GNB4: variants seen among roughly 807,000 people sequenced by gnomAD.
GNB4 encodes the protein guanine nucleotide-binding protein subunit beta-4.
A neutral mutation model predicts 45.2 loss-of-function variants in GNB4; 28 were observed. The observed-to-expected ratio is 0.62, with a 90% confidence interval of 0.46 to 0.85. The LOEUF (loss-of-function observed/expected upper bound fraction) is 0.85. Ranked by LOEUF, GNB4 falls within the 40% of genes least tolerant of loss-of-function variation. The pLI is 0.00. For missense variants in GNB4, 321 were observed against 425.4 expected, an observed-to-expected ratio of 0.75 and a Z score of 2.16; for synonymous variants, 132 against 143.7, an observed-to-expected ratio of 0.92 and a Z score of 0.58.
At position 179,396,154 on chromosome 3, in the gene GNB4, T is replaced by C. The variant is rs191158139; in HGVS notation, c.*5059A>G. The C allele has an allele frequency of 2.5e-4, 38 of 152,040 alleles. 1 individual carries two copies. Among genetic ancestry groups the C allele is most frequent in the Admixed American group, 1.8e-3 (28 of 15,268 alleles). The allele number at this position is 152,040 out of a possible 1,614,324, so 9.4% of individuals were successfully genotyped here. On this transcript the variant is annotated 3_prime_UTR_variant, in exon 10 of 10. Transcript: ENST00000232564. ...ACATTTCATAAAGCCACTGTACAAA[T>C]AGAGGAATGAATCACTGTGTAAGAA...
Position 179,413,396 on chromosome 3 carries a change from A to T in GNB4, c.699+16T>A, listed in dbSNP as rs372819629. 6.5e-5 allele frequency: 104 copies of T among 1,600,462 alleles called. No individual in the cohort carries two copies. Among genetic ancestry groups the T allele is most frequent in the Non-Finnish European group, 8.7e-5 (102 of 1,167,712 alleles). The stretch of plus-strand genomic sequence containing the variant: ...AAATGCATAATAAATTTTCTCTAGA[A>T]ATGCTATTCACTTACACTGACAGCA... On this transcript the variant is annotated intron_variant, in intron 8 of 9. Coordinates refer to ENST00000232564, the MANE Select transcript of GNB4 (RefSeq NM_021629.4).
the GNB4 span, among the ~76,000 whole-genome samples, chr3:179,501,255 A>G: frequency 6.6e-6 from 1 of 150,902 alleles, no homozygotes; most frequent in Non-Finnish European, 1.5e-5. Flanking sequence ...GGGCCTTGTC[A>G]GTCCTCTGAA....
the GNB4 span, among the ~76,000 whole-genome samples, chr3:179,463,286 C>T: frequency 6.6e-6 from 1 of 152,148 alleles, no homozygotes; most frequent in Non-Finnish European, 1.5e-5. Context: ...AAAGGACCAT[C>T]CAGCATATGT....
Position 179,435,318 on chromosome 3 carries a change from T to A in GNB4, c.-42-9076A>T, listed in dbSNP as rs1043953912. ...CCTTGTACTTAATTATTCCTTCTTT[T>A]TACCTTTGTGGGTCCTTCTCCTCCA... On this transcript the variant is annotated intron_variant, in intron 1 of 9. Coordinates refer to ENST00000232564, the MANE Select transcript of GNB4 (RefSeq NM_021629.4). 3.3e-5 allele frequency among the ~76,000 whole-genome samples: 5 copies of A among 152,284 alleles called. 1 individual carries two copies. Among genetic ancestry groups the A allele is most frequent in the African/African-American group, 1.2e-4 (5 of 41,562 alleles).
chr3:179,406,889 A>G (rs971821545), intron 8 of GNB4, among the ~76,000 whole-genome samples: 2 of 152,168 alleles, frequency 1.3e-5, no homozygotes, highest in African/African-American at 4.8e-5. Flanking sequence ...TACTGAGATT[A>G]CGGGCATAAG....
At chr3:179,430,185 AAGCAATCCTCCAGCCTC>A (rs1715268648) in intron 1 of GNB4, among the ~76,000 whole-genome samples, 1 of 151,802 alleles carries the variant, frequency 6.6e-6, no homozygotes, top group African/African-American at 2.4e-5. Flanking sequence ...TCCCAGGCTC[AAGCAATCCTCCAGCCTC>A]AGCCTCCCAA....
At chr3:179,499,342 G>T in the GNB4 span, among the ~76,000 whole-genome samples, 1 of 151,984 alleles carries the variant, frequency 6.6e-6, no homozygotes, top group Non-Finnish European at 1.5e-5. Context: ...TGTATTTTTA[G>T]TAGAGACAGG....
the GNB4 span, among the ~76,000 whole-genome samples, chr3:179,499,573 G>A: frequency 2.0e-4 from 31 of 152,202 alleles, no homozygotes; most frequent in Non-Finnish European, 4.0e-4. Flanking sequence ...TGTCTTTATA[G>A]TAGAATGATT....
At chr3:179,428,358 T>C (rs1246374115) in intron 1 of GNB4, among the ~76,000 whole-genome samples, 1 of 152,222 alleles carries the variant, frequency 6.6e-6, no homozygotes, top group African/African-American at 2.4e-5. Flanking sequence ...TTTAACAATT[T>C]AGTATGCATC....
chr3:179,516,317 A>G, the GNB4 span, among the ~76,000 whole-genome samples: 3 of 152,242 alleles, frequency 2.0e-5, no homozygotes, highest in Admixed American at 6.5e-5. Context: ...TGGGAAGGCC[A>G]AACCTAAGAA....
rs1714226518 is a variant in GNB4 at position 179,399,668 on chromosome 3, T to G, written c.*1545A>C. ...TACATCTTTACAGTTGATGCACATA[T>G]TAGCACATTCACAACATAAAAACAA... On this transcript the variant is annotated 3_prime_UTR_variant, in exon 10 of 10. Coordinates refer to ENST00000232564, the MANE Select transcript of GNB4 (RefSeq NM_021629.4). 6.6e-6 allele frequency: 1 copy of G among 152,218 alleles called. No individual in the cohort carries two copies. Among genetic ancestry groups the G allele is most frequent in the African/African-American group, 2.4e-5 (1 of 41,452 alleles). The allele number at this position is 152,218 out of a possible 1,614,324, so 9.4% of individuals were successfully genotyped here.
intron 4 of GNB4, among the ~76,000 whole-genome samples, chr3:179,418,104 A>G (rs1175672159): frequency 3.3e-5 from 5 of 152,172 alleles, no homozygotes; most frequent in African/African-American, 9.7e-5. Flanking sequence ...TCAAGTTACT[A>G]TATTTTAAGT....
chr3:179,522,639 C>G, the GNB4 span, among the ~76,000 whole-genome samples: 2 of 152,042 alleles, frequency 1.3e-5, no homozygotes, highest in Non-Finnish European at 2.9e-5. Flanking sequence ...TATAGCATAG[C>G]CTGCCTTTGC....
intron 8 of GNB4, among the ~76,000 whole-genome samples, chr3:179,409,175 T>A (rs1426501473): frequency 1.3e-5 from 2 of 149,892 alleles, no homozygotes; most frequent in Middle Eastern, 3.2e-3. Flanking sequence ...TTAGAAATTT[T>A]AAAAAGTTCC....
At chr3:179,453,957 C>T (rs1001928403), upstream of GNB4, among the ~76,000 whole-genome samples, 5 of 152,020 alleles carry the variant, frequency 3.3e-5, no homozygotes, top group African/African-American at 1.2e-4. Context: ...TAAGAGCACA[C>T]TAATGCATCT....
At chr3:179,425,620 A>ACG (rs201439203) in intron 2 of GNB4, among the ~76,000 whole-genome samples, 103,242 of 151,072 alleles carry the variant, frequency 0.68, 35,430 homozygotes, top group Admixed American at 0.77. Flanking sequence ...ACAGGTGTGC[A>ACG]CCACCACGCC....
chr3:179,503,794 A>C, the GNB4 span, among the ~76,000 whole-genome samples: 9 of 152,238 alleles, frequency 5.9e-5, no homozygotes, highest in Non-Finnish European at 1.0e-4. Context: ...GGTTGCATTC[A>C]AAGGATTAAA....
the GNB4 span, among the ~76,000 whole-genome samples, chr3:179,473,636 G>A: frequency 6.6e-6 from 1 of 151,990 alleles, no homozygotes; most frequent in African/African-American, 2.4e-5. Context: ...GATTAGTGCT[G>A]GGAAGTGGTG....
intron 8 of GNB4, among the ~76,000 whole-genome samples, chr3:179,408,513 C>G (rs1311925685): frequency 8.6e-5 from 13 of 152,002 alleles, no homozygotes; most frequent in Admixed American, 8.5e-4. Flanking sequence ...ATTAGGGGCT[C>G]GGTGCGGTGG....
Sources: gnomAD v4.1 joint callset for allele counts (sites outside exome capture counted in the v4.1 genomes callset) on GRCh38, gnomAD v4.1.1 for gene constraint, MANE v1.5 for transcripts, NCBI Gene and HGNC (gene_info 2026-07-23, HGNC 2026-07-21) for gene names.